Variants in SESTD1 observed in about 807,000 individuals in gnomAD.
SESTD1 encodes SEC14 and spectrin domain containing 1.
Under a neutral mutation model 101.7 loss-of-function variants are expected in SESTD1, and 43 were observed. The ratio of observed to expected loss-of-function variants is 0.42; its 90% CI spans 0.33 to 0.55. The LOEUF is 0.55. Ranked by LOEUF, SESTD1 falls within the 20% of genes least tolerant of loss-of-function variation. The pLI, the probability that SESTD1 is intolerant of heterozygous loss-of-function variation, is 0.07. For missense variants in SESTD1, 647 were observed against 815.1 expected (o/e 0.79, Z 2.51); for synonymous variants, 283 against 286.8 (o/e 0.99, Z 0.13).
chr2:179,135,110 A>G (rs2045110025), intron 9 of SESTD1, among the ~76,000 whole-genome samples: 1 of 151,976 alleles, frequency 6.6e-6, no homozygotes, highest in Non-Finnish European at 1.5e-5. Context: ...ACACCTGGCT[A>G]ATTTTTCTAT....
intron 5 of SESTD1, among the ~76,000 whole-genome samples, chr2:179,159,114 AG>A (rs1349895214): frequency 2.0e-5 from 3 of 152,216 alleles, no homozygotes; most frequent in Admixed American, 6.5e-5. Context: ...GTGCAATAGT[AG>A]GAAACATCTT....
intron 1 of SESTD1, among the ~76,000 whole-genome samples, chr2:179,196,412 G>A (rs1254908083): frequency 6.6e-6 from 1 of 152,226 alleles, no homozygotes; most frequent in Non-Finnish European, 1.5e-5. Flanking sequence ...GCTTGCTTAG[G>A]TAAACAAAGC....
At position 179,105,691 on chromosome 2, in the gene SESTD1, G is replaced by C. The variant is rs896224647; in HGVS notation, c.*4208C>G. The stretch of plus-strand genomic sequence containing the variant: ...ATACCTTCCATTCTGTTTATTTCTG[G>C]ATATTTTGGCTTCAACAATTCTTTA... On this transcript the variant is annotated 3_prime_UTR_variant, in exon 18 of 18. Transcript: ENST00000428443. The C allele has an allele frequency of 1.3e-5, 2 of 152,044 alleles. No homozygotes were observed. Among genetic ancestry groups the C allele is most frequent in the Admixed American group, 1.3e-4 (2 of 15,252 alleles). 9.4% of individuals were successfully genotyped at this position (152,044 alleles called of 1,614,324 possible).
At chr2:179,241,195 A>C (rs2047147505) in intron 1 of SESTD1, among the ~76,000 whole-genome samples, 1 of 152,204 alleles carries the variant, frequency 6.6e-6, no homozygotes, top group African/African-American at 2.4e-5. Context: ...AGAACAAATG[A>C]ACAGATCCTC....
At chr2:179,151,061 A>G (rs2045516088) in intron 6 of SESTD1, among the ~76,000 whole-genome samples, 1 of 152,232 alleles carries the variant, frequency 6.6e-6, no homozygotes. Context: ...GCAAGATTAA[A>G]CGCATTGTTG....
At chr2:179,118,863 G>A (rs1156511336) in intron 13 of SESTD1, among the ~76,000 whole-genome samples, 1 of 152,164 alleles carries the variant, frequency 6.6e-6, no homozygotes, top group Non-Finnish European at 1.5e-5. Context: ...GGAGGAGCAA[G>A]TGACTAACTT....
chr2:179,195,967 T>C lies in SESTD1; in HGVS notation c.-25-4101A>G, dbSNP rs953616137. ...TGTGGGAGGAGCCAAGATGGCCGAATAGGAACAGCTCCGGTCTACAGCCCC... is the reference window on the plus strand; with the variant it reads ...TGTGGGAGGAGCCAAGATGGCCGAACAGGAACAGCTCCGGTCTACAGCCCC... On this transcript the variant is annotated intron_variant, in intron 1 of 17. Transcript: ENST00000428443. Among the ~76,000 whole-genome samples, 4 of 151,964 alleles carry C rather than the reference T, an allele frequency of 2.6e-5. No individual in the cohort carries two copies. The South Asian group carries it at 6.2e-4, about 24-fold the overall frequency.
chr2:179,133,674 T>C (rs984191447), intron 9 of SESTD1, among the ~76,000 whole-genome samples: 1 of 152,168 alleles, frequency 6.6e-6, no homozygotes, highest in African/African-American at 2.4e-5. Flanking sequence ...AGCATAATAT[T>C]ATAGACCCAG....
intron 6 of SESTD1, among the ~76,000 whole-genome samples, chr2:179,150,603 C>CG (rs2045500467): frequency 6.6e-6 from 1 of 151,946 alleles, no homozygotes; most frequent in Admixed American, 6.6e-5. Flanking sequence ...AGGTGGATCA[C>CG]GAGGTCAAGA....
chr2:179,113,004 T>C lies in SESTD1; in HGVS notation c.1840-159A>G, dbSNP rs114341953. ...TAGATTAAAGGCATTTTCTTGTTCT[T>C]AGCATCTTCAGGTATACCACTATAT... On this transcript the variant is annotated intron_variant, in intron 16 of 17. Coordinates refer to ENST00000428443, the MANE Select transcript of SESTD1 (RefSeq NM_178123.5). 4.1e-3 allele frequency among the ~76,000 whole-genome samples: 626 copies of C among 152,334 alleles called. 7 individuals carry two copies. Among genetic ancestry groups the C allele is most frequent in the African/African-American group, 0.014 (589 of 41,576 alleles).
At chr2:179,137,583 T>A (rs2045176120) in intron 9 of SESTD1, among the ~76,000 whole-genome samples, 1 of 152,236 alleles carries the variant, frequency 6.6e-6, no homozygotes, top group African/African-American at 2.4e-5. Context: ...TTCAGTGAAG[T>A]GGCACTGTGT....
intron 10 of SESTD1, 113 bp from the exon 11 acceptor site, chr2:179,124,671 G>GTTATTTT (rs2044830331): frequency 1.1e-6 from 1 of 870,566 alleles, no homozygotes; most frequent in Non-Finnish European, 1.7e-6. Flanking sequence ...TTTTTCTAAG[G>GTTATTTT]CAAAATTATT....
chr2:179,142,931 T>A (rs1471779155), intron 9 of SESTD1, among the ~76,000 whole-genome samples: 1 of 152,196 alleles, frequency 6.6e-6, no homozygotes, highest in Non-Finnish European at 1.5e-5. Flanking sequence ...TAAATGTTTA[T>A]CTAATGAGTA....
At chr2:179,255,470 A>T (rs376934606) in intron 1 of SESTD1, among the ~76,000 whole-genome samples, 1 of 152,222 alleles carries the variant, frequency 6.6e-6, no homozygotes, top group African/African-American at 2.4e-5. Context: ...ACCAGCCATA[A>T]CATTCCCTTA....
intron 12 of SESTD1, among the ~76,000 whole-genome samples, chr2:179,123,060 T>C (rs1464145963): frequency 6.6e-6 from 1 of 152,192 alleles, no homozygotes; most frequent in Non-Finnish European, 1.5e-5. Flanking sequence ...TCCATTGCCA[T>C]TTCCCCTTTT....
chr2:179,169,846 T>G (rs1480050104), intron 5 of SESTD1, among the ~76,000 whole-genome samples: 1 of 151,910 alleles, frequency 6.6e-6, no homozygotes, highest in Non-Finnish European at 1.5e-5. Context: ...TGGTGGTGCA[T>G]GCCTGTAATC....
At chr2:179,243,122 TA>T (rs1029127340) in intron 1 of SESTD1, among the ~76,000 whole-genome samples, 29 of 151,704 alleles carry the variant, frequency 1.9e-4, no homozygotes, top group Admixed American at 6.6e-4. Context: ...ACAACCCTAT[TA>T]AAAAGTGGGC....
At chr2:179,199,021 G>GT (rs1469059490) in intron 1 of SESTD1, among the ~76,000 whole-genome samples, 2 of 152,244 alleles carry the variant, frequency 1.3e-5, no homozygotes, top group Non-Finnish European at 2.9e-5. Context: ...CCAGGACCTG[G>GT]TTTTTTGACA....
intron 5 of SESTD1, among the ~76,000 whole-genome samples, chr2:179,153,790 A>G (rs1193347891): frequency 1.3e-5 from 2 of 152,222 alleles, no homozygotes; most frequent in African/African-American, 4.8e-5. Context: ...TGACGAAAGG[A>G]CATGAAAAGG....
Sources: gnomAD v4.1 joint callset for allele counts (sites outside exome capture counted in the v4.1 genomes callset) on GRCh38, gnomAD v4.1.1 for gene constraint, MANE v1.5 for transcripts, NCBI Gene and HGNC (gene_info 2026-07-23, HGNC 2026-07-21) for gene names.